MAGI3: variants seen among roughly 807,000 people sequenced by gnomAD.
The protein encoded by MAGI3 is membrane-associated guanylate kinase, WW and PDZ domain-containing protein 3.
MAGI3 carries 43 observed loss-of-function variants against 121.8 expected under a neutral mutation model. The ratio of observed to expected loss-of-function variants is 0.35; its 90% CI spans 0.28 to 0.46. MAGI3 has a LOEUF of 0.46. Ranked by LOEUF, MAGI3 falls within the 20% of genes least tolerant of loss-of-function variation. MAGI3 has a pLI of 1.00. For synonymous variants in MAGI3, 553 were observed against 639.3 expected (o/e 0.86, Z 2.04); for missense variants, 1,547 against 1,797.3 (o/e 0.86, Z 2.52).
At chr1:113,593,615 A>C (rs1648826346) in intron 5 of MAGI3, among the ~76,000 whole-genome samples, 1 of 152,162 alleles carries the variant, frequency 6.6e-6, no homozygotes, top group Non-Finnish European at 1.5e-5. Context: ...TTCTTCCATG[A>C]CTTTTTCTTT....
chr1:113,554,448 ACTT>A (rs755231759), intron 2 of MAGI3, among the ~76,000 whole-genome samples: 15 of 151,708 alleles, frequency 9.9e-5, no homozygotes, highest in Non-Finnish European at 1.8e-4. Context: ...GAAAAAGTGA[ACTT>A]TTTTTTTTTT....
At chr1:113,641,847 C>A in intron 9 of MAGI3, 64 bp from the exon 10 acceptor site, 1 of 1,457,694 alleles carries the variant, frequency 6.9e-7, no homozygotes, top group Non-Finnish European at 9.2e-7. Context: ...ATTTTTGCCC[C>A]TCTAGCAAAA....
chr1:113,681,419 A>C (rs566302549), intron 20 of MAGI3, 83 bp downstream of exon 20: 4 of 1,449,716 alleles, frequency 2.8e-6, no homozygotes, highest in Non-Finnish European at 3.7e-6. Context: ...TTTGGAGAGG[A>C]TAGATATTTT....
At chr1:113,529,102 G>T (rs1658587503) in intron 1 of MAGI3, among the ~76,000 whole-genome samples, 1 of 152,158 alleles carries the variant, frequency 6.6e-6, no homozygotes. Context: ...AGTTGGAGAA[G>T]TTTGGCTTTT....
At chr1:113,602,187 C>G (rs1451553720) in intron 6 of MAGI3, among the ~76,000 whole-genome samples, 1 of 151,932 alleles carries the variant, frequency 6.6e-6, no homozygotes, top group Admixed American at 6.5e-5. Flanking sequence ...CTAACCTGCA[C>G]ATTGTGCACA....
In MAGI3 at chr1:113,585,560, G is replaced by A. The variant is rs752599947; in HGVS notation, c.727G>A (p.Glu243Lys). The change falls in exon 4 of 21, where the codon GAG (glutamate) becomes AAG (lysine). Residue 243 changes from glutamate (E) to lysine (K), a missense_variant. Transcript: ENST00000307546. Reference sequence around the variant, plus strand: ...CTCTCTTCCTGAAGAGGAAGAAGATGAGGACAAGGAAGCTATTAATGGCAG... The same window carrying A: ...CTCTCTTCCTGAAGAGGAAGAAGATAAGGACAAGGAAGCTATTAATGGCAG... ...DSSLPEEEED[E>K]DKEAINGSGN... 6.8e-6 allele frequency: 11 copies of A among 1,614,006 alleles called. No individual in the cohort carries two copies. The highest frequency in any genetic ancestry group is 9.3e-6 in the Non-Finnish European group (11 of 1,180,008).
At chr1:113,396,035 A>G (rs1178890180) in intron 1 of MAGI3, among the ~76,000 whole-genome samples, 1 of 151,786 alleles carries the variant, frequency 6.6e-6, no homozygotes, top group Non-Finnish European at 1.5e-5. Context: ...AATTTTTGTG[A>G]TTTTTTTTCT....
chr1:113,550,337 A>C (rs1165480690), intron 2 of MAGI3, among the ~76,000 whole-genome samples: 2 of 151,708 alleles, frequency 1.3e-5, no homozygotes, highest in Non-Finnish European at 2.9e-5. Flanking sequence ...AATAGCGTGA[A>C]CCCGGGAGGC....
chr1:113,590,449 C>CAA (rs768418756), intron 4 of MAGI3, 35 bp from the exon 5 acceptor site: 2 of 1,601,970 alleles, frequency 1.2e-6, no homozygotes, highest in Admixed American at 1.7e-5. Context: ...TAACTTTACC[C>CAA]ACTTTTCACA....
At chr1:113,449,117 A>C (rs773171603) in intron 1 of MAGI3, among the ~76,000 whole-genome samples, 4 of 130,290 alleles carry the variant, frequency 3.1e-5, no homozygotes, top group Non-Finnish European at 6.3e-5. Flanking sequence ...ACTTCATTTC[A>C]AAAAAAAAAA....
chr1:113,678,097 A>C lies in MAGI3; in HGVS notation c.3190-3101A>C, dbSNP rs1187595520. Reference sequence around the variant, plus strand: ...TGACACCTGGTGGCAAGTCTGTTCAATTACAAGTTTTTGTTGTTTTTTTTT... The same window carrying C: ...TGACACCTGGTGGCAAGTCTGTTCACTTACAAGTTTTTGTTGTTTTTTTTT... On this transcript the variant is annotated intron_variant, in intron 19 of 20. Transcript: ENST00000307546. Among the ~76,000 whole-genome samples the C allele has an allele frequency of 4.7e-5, 7 of 148,940 alleles. 1 individual carries two copies. Among genetic ancestry groups the C allele is most frequent in the Non-Finnish European group, 9.0e-5 (6 of 66,832 alleles).
chr1:113,661,710 C>T (rs192837243), intron 16 of MAGI3, among the ~76,000 whole-genome samples: 3 of 152,156 alleles, frequency 2.0e-5, no homozygotes, highest in Non-Finnish European at 2.9e-5. Flanking sequence ...TCCTGTGTAA[C>T]GTCAGTTTGT....
At position 113,641,899 on chromosome 1, in the gene MAGI3, A is replaced by G. The variant is rs746470034; in HGVS notation, c.1361-12A>G. 4.8e-5 allele frequency: 75 copies of G among 1,549,024 alleles called. No individual in the cohort carries two copies. The highest frequency in any genetic ancestry group is 1.7e-4 in the Middle Eastern group (1 of 5,810). On this transcript the variant is annotated splice_polypyrimidine_tract_variant and intron_variant, in intron 9 of 20. Transcript: ENST00000307546. ...TGATTTTAATATTTTTAACATGATTATGTTTTTCCAGGCGATGTTATTGTA... is the reference window on the plus strand; with the variant it reads ...TGATTTTAATATTTTTAACATGATTGTGTTTTTCCAGGCGATGTTATTGTA...
chr1:113,503,395 T>C (rs1292534175), intron 1 of MAGI3, among the ~76,000 whole-genome samples: 3 of 150,046 alleles, frequency 2.0e-5, no homozygotes, highest in African/African-American at 7.4e-5. Context: ...CTCAATACTG[T>C]AAATATTTTT....
At chr1:113,680,003 C>G (rs1181626574) in intron 19 of MAGI3, among the ~76,000 whole-genome samples, 2 of 152,122 alleles carry the variant, frequency 1.3e-5, no homozygotes, top group African/African-American at 4.8e-5. Context: ...CCATCCCTGG[C>G]CCTGAGAAAT....
intron 1 of MAGI3, among the ~76,000 whole-genome samples, chr1:113,447,122 C>T (rs1014836725): frequency 1.3e-5 from 2 of 152,174 alleles, no homozygotes; most frequent in Non-Finnish European, 2.9e-5. Flanking sequence ...CTGAACTGTA[C>T]ACTTAAAAAT....
At chr1:113,609,564 T>C (rs530245638) in intron 6 of MAGI3, among the ~76,000 whole-genome samples, 1 of 152,306 alleles carries the variant, frequency 6.6e-6, no homozygotes, top group South Asian at 2.1e-4. Context: ...ATTTCTCTTA[T>C]GATGAAAGAA....
chr1:113,538,489 G>A (rs578250893), intron 1 of MAGI3, among the ~76,000 whole-genome samples: 5 of 152,242 alleles, frequency 3.3e-5, no homozygotes, highest in South Asian at 4.2e-4. Context: ...TGATGTGAGC[G>A]TCACAAAGAA....
At chr1:113,534,039 A>T (rs944488950) in intron 1 of MAGI3, among the ~76,000 whole-genome samples, 1 of 152,170 alleles carries the variant, frequency 6.6e-6, no homozygotes, top group African/African-American at 2.4e-5. Flanking sequence ...TCCCCTGCAC[A>T]TCTGTGAGCA....
Sources: gnomAD v4.1 joint callset for allele counts (sites outside exome capture counted in the v4.1 genomes callset) on GRCh38, gnomAD v4.1.1 for gene constraint, MANE v1.5 for transcripts, NCBI Gene and HGNC (gene_info 2026-07-23, HGNC 2026-07-21) for gene names.